Variants in DLGAP2 observed in about 807,000 individuals in gnomAD.
DLGAP2 encodes disks large-associated protein 2.
A neutral mutation model predicts 100.3 loss-of-function variants in DLGAP2; 26 were observed. The observed-to-expected ratio is 0.26, with a 90% CI of 0.19 to 0.36. DLGAP2 has a LOEUF of 0.36. Ranked by LOEUF, DLGAP2 falls within the 10% of genes least tolerant of loss-of-function variation. The probability of loss-of-function intolerance (pLI) is 1.00; values close to 1 mark genes in which losing one functional copy is unlikely to be tolerated. For missense variants in DLGAP2, 1,858 were observed against 1,453.2 expected, an observed-to-expected ratio of 1.28 and a Z score of -4.53; for synonymous variants, 886 against 630.1, an observed-to-expected ratio of 1.41 and a Z score of -6.08.
chr8:785,414 C>T (rs1328940354), intron 1 of DLGAP2, among the ~76,000 whole-genome samples: 2 of 149,646 alleles, frequency 1.3e-5, no homozygotes, highest in African/African-American at 4.9e-5. Context: ...CCCCTCAGGT[C>T]TCTCTGAGAC....
chr8:1,368,188 A>C (rs1472608294), intron 3 of DLGAP2, among the ~76,000 whole-genome samples: 2 of 151,786 alleles, frequency 1.3e-5, no homozygotes, highest in African/African-American at 4.8e-5. Flanking sequence ...GTGTATGTGC[A>C]CGTGTGTGTA....
intron 3 of DLGAP2, among the ~76,000 whole-genome samples, chr8:1,318,919 A>G (rs1186942225): frequency 2.6e-5 from 4 of 151,946 alleles, no homozygotes; most frequent in African/African-American, 9.7e-5. Context: ...AGATTTTAGG[A>G]TTAACTCAAA....
chr8:1,254,225 T>C (rs1269412085), intron 2 of DLGAP2, among the ~76,000 whole-genome samples: 1 of 152,164 alleles, frequency 6.6e-6, no homozygotes, highest in African/African-American at 2.4e-5. Context: ...ACAGGCACCA[T>C]GGTGAAGCCG....
chr8:1,578,611 G>T (rs1014076942), intron 6 of DLGAP2, among the ~76,000 whole-genome samples: 1 of 152,144 alleles, frequency 6.6e-6, no homozygotes, highest in African/African-American at 2.4e-5. Flanking sequence ...GAATTATTCT[G>T]TTAAAAACCA....
At chr8:1,219,589 A>G (rs1308450569) in intron 2 of DLGAP2, among the ~76,000 whole-genome samples, 2 of 151,910 alleles carry the variant, frequency 1.3e-5, no homozygotes, top group Non-Finnish European at 2.9e-5. Flanking sequence ...TTTTCTTTGT[A>G]TCTCTGCCAG....
rs921867311 is a variant in DLGAP2 at position 1,702,385 on chromosome 8, CAA to C, written c.*982_*983del. The C allele has an allele frequency of 9.3e-5, 14 of 151,300 alleles. No homozygotes were observed. Among genetic ancestry groups the C allele is most frequent in the African/African-American group, 3.2e-4 (13 of 41,024 alleles). The allele number at this position is 151,300 out of a possible 1,614,324, so 9.4% of individuals were successfully genotyped here. A position where few individuals can be genotyped will look rare whatever the true frequency, so the allele number is the denominator to read the frequency against. ...CTTAAAAAAAAACACACACGAAAAA[CAA>C]AAGTTTGCTTGTTTAAAATGACAGT... On this transcript the variant is annotated 3_prime_UTR_variant, in exon 15 of 15. Coordinates refer to ENST00000637795, the MANE Select transcript of DLGAP2 (RefSeq NM_001346810.2).
intron 2 of DLGAP2, among the ~76,000 whole-genome samples, chr8:1,077,767 C>T (rs1238615663): frequency 6.6e-6 from 1 of 152,218 alleles, no homozygotes; most frequent in African/African-American, 2.4e-5. Flanking sequence ...ACTGAAAAAT[C>T]TTGGCATAGT....
chr8:1,168,664 C>G (rs2116670916), intron 2 of DLGAP2, among the ~76,000 whole-genome samples: 2 of 146,892 alleles, frequency 1.4e-5, no homozygotes, highest in African/African-American at 5.2e-5. Context: ...TGTTTTTTGG[C>G]TGCATAAATG....
chr8:1,195,980 C>G (rs1797741517), intron 2 of DLGAP2, among the ~76,000 whole-genome samples: 1 of 152,214 alleles, frequency 6.6e-6, no homozygotes, highest in Non-Finnish European at 1.5e-5. Flanking sequence ...TCACACTGGG[C>G]AGCTGTGGGG....
chr8:1,532,125 C>T (rs1227313287), intron 4 of DLGAP2, among the ~76,000 whole-genome samples: 2 of 152,184 alleles, frequency 1.3e-5, no homozygotes, highest in Non-Finnish European at 2.9e-5. Flanking sequence ...TCTCAGTGAG[C>T]AGAGGGATGA....
At chr8:1,344,114 TTCGGGGCCCTGTCGTGGGTCCGTGTAC>T (rs1585280015) in intron 3 of DLGAP2, among the ~76,000 whole-genome samples, 8 of 36,880 alleles carry the variant, frequency 2.2e-4, no homozygotes, top group Non-Finnish European at 4.9e-4. Flanking sequence ...GGTCCATGTA[TTCGGGGCCCTGTCGTGGGTCCGTGTAC>T]TCGGGGCCCT....
chr8:1,003,970 C>T (rs1405505978), intron 2 of DLGAP2, among the ~76,000 whole-genome samples: 1 of 152,142 alleles, frequency 6.6e-6, no homozygotes, highest in Non-Finnish European at 1.5e-5. Flanking sequence ...ATTCCAGTGC[C>T]AGGAATATAT....
chr8:1,453,140 T>C (rs1003388177), intron 3 of DLGAP2, among the ~76,000 whole-genome samples: 4 of 151,480 alleles, frequency 2.6e-5, no homozygotes, highest in African/African-American at 9.7e-5. Context: ...AAGGGGAACG[T>C]CGCAGGTATT....
chr8:1,529,729 G>A (rs998814323), intron 4 of DLGAP2, among the ~76,000 whole-genome samples: 1 of 152,204 alleles, frequency 6.6e-6, no homozygotes, highest in Non-Finnish European at 1.5e-5. Context: ...CAGGGAACCT[G>A]CCCCGATATT....
chr8:1,688,049 G>A (rs547381480), intron 12 of DLGAP2, among the ~76,000 whole-genome samples: 3 of 152,152 alleles, frequency 2.0e-5, no homozygotes, highest in African/African-American at 7.2e-5. Context: ...CAGGAAGGAT[G>A]AGGAGCTTTC....
chr8:820,030 A>C (rs565983150), intron 1 of DLGAP2, among the ~76,000 whole-genome samples: 1 of 152,236 alleles, frequency 6.6e-6, no homozygotes, highest in South Asian at 2.1e-4. Context: ...GTTCTTGTCT[A>C]CTAAGAGAAA....
intron 6 of DLGAP2, among the ~76,000 whole-genome samples, chr8:1,589,985 C>T (rs1219355298): frequency 6.6e-6 from 1 of 152,116 alleles, no homozygotes; most frequent in Admixed American, 6.5e-5. Context: ...GTTCTGGGAG[C>T]CAGAAGTCTG....
chr8:1,622,927 T>A (rs1299128734), intron 6 of DLGAP2, among the ~76,000 whole-genome samples: 3 of 152,178 alleles, frequency 2.0e-5, no homozygotes, highest in Non-Finnish European at 2.9e-5. Context: ...GACTTCACCC[T>A]GTGTCACCTG....
chr8:746,766 A>G (rs1241490583), intron 1 of DLGAP2, among the ~76,000 whole-genome samples: 1 of 152,206 alleles, frequency 6.6e-6, no homozygotes, highest in African/African-American at 2.4e-5. Flanking sequence ...GTGCGTTCTT[A>G]CCACAAAGCA....
Sources: gnomAD v4.1 joint callset for allele counts (sites outside exome capture counted in the v4.1 genomes callset) on GRCh38, gnomAD v4.1.1 for gene constraint, MANE v1.5 for transcripts, NCBI Gene and HGNC (gene_info 2026-07-23, HGNC 2026-07-21) for gene names.